Variants in PLPPR4 observed in about 807,000 individuals in gnomAD.
The protein encoded by PLPPR4 is phospholipid phosphatase related 4, also known as phospholipid phosphatase-related protein type 4.
A neutral mutation model predicts 56.6 loss-of-function variants in PLPPR4; 24 were observed. The ratio of observed to expected loss-of-function variants is 0.42; its 90% CI spans 0.31 to 0.60. The LOEUF (loss-of-function observed/expected upper bound fraction) is 0.60. Among genes scored for constraint, PLPPR4 ranks in the 20% least tolerant of loss-of-function variants. The pLI is 0.13. For missense variants in PLPPR4, 654 were observed against 885.8 expected, an observed-to-expected ratio of 0.74 and a Z score of 3.32; for synonymous variants, 326 against 328.1, an observed-to-expected ratio of 0.99 and a Z score of 0.07.
At chr1:99,269,065 A>G (rs983003289) in intron 1 of PLPPR4, among the ~76,000 whole-genome samples, 15 of 152,078 alleles carry the variant, frequency 9.9e-5, no homozygotes, top group African/African-American at 3.4e-4. Context: ...TCCTAATACT[A>G]TCCATCCCCT....
At chr1:99,282,875 C>T (rs1477886956) in intron 1 of PLPPR4, among the ~76,000 whole-genome samples, 2 of 150,896 alleles carry the variant, frequency 1.3e-5, no homozygotes, top group Non-Finnish European at 2.9e-5. Flanking sequence ...AATTCAGGCA[C>T]TTAATTACAC....
chr1:99,282,264 G>A (rs1659348540), intron 1 of PLPPR4, among the ~76,000 whole-genome samples: 1 of 152,052 alleles, frequency 6.6e-6, no homozygotes, highest in South Asian at 2.1e-4. Context: ...CATTGATCAA[G>A]CCATAAACAA....
intron 1 of PLPPR4, among the ~76,000 whole-genome samples, chr1:99,266,885 T>A (rs1245870850): frequency 6.6e-6 from 1 of 152,246 alleles, no homozygotes; most frequent in Non-Finnish European, 1.5e-5. Flanking sequence ...ATTTTGAAGC[T>A]GGTGAGAATG....
At chr1:99,303,015 T>C (rs1659924100) in intron 6 of PLPPR4, among the ~76,000 whole-genome samples, 1 of 152,062 alleles carries the variant, frequency 6.6e-6, no homozygotes, top group Admixed American at 6.6e-5. Flanking sequence ...TTACAACATG[T>C]TAAACGATAT....
intron 6 of PLPPR4, among the ~76,000 whole-genome samples, chr1:99,303,401 G>T (rs540957390): frequency 7.9e-5 from 12 of 152,230 alleles, no homozygotes; most frequent in Non-Finnish European, 1.5e-4. Flanking sequence ...TTAAGTAGTT[G>T]CTTCTGGAAT....
Position 99,287,986 on chromosome 1 carries a change from G to A in PLPPR4, c.100G>A (p.Val34Met). Reference protein sequence around the residue: ...FVELPILASSVVSLYFLELTD... With the variant: ...FVELPILASSMVSLYFLELTD... The stretch of plus-strand genomic sequence containing the variant: ...TTAGTTGCCTATATTGGCATCATCG[G>A]TGGTTAGCCTCTATTTCCTCGAACT... Residue 34 changes from valine to methionine, a missense_variant, in exon 2 of 7, where the codon GTG becomes ATG. Val to Met is a conservative substitution (Grantham distance 21, BLOSUM62 1). Coordinates refer to ENST00000370185, the MANE Select transcript of PLPPR4 (RefSeq NM_014839.5). The A allele has an allele frequency of 6.2e-7, 1 of 1,613,094 alleles. No homozygotes were observed. The highest frequency in any genetic ancestry group is 8.5e-7 in the Non-Finnish European group (1 of 1,179,550).
intron 1 of PLPPR4, among the ~76,000 whole-genome samples, chr1:99,285,665 A>T (rs1042284572): frequency 1.2e-4 from 19 of 152,266 alleles, no homozygotes; most frequent in Middle Eastern, 3.4e-3. Flanking sequence ...AAAAAAAAAG[A>T]CCTCTTGGGA....
In PLPPR4 at chr1:99,300,894, A is replaced by G; in HGVS notation, c.591-15A>G. On this transcript the variant is annotated splice_polypyrimidine_tract_variant and intron_variant, in intron 4 of 6. Coordinates refer to ENST00000370185, the MANE Select transcript of PLPPR4 (RefSeq NM_014839.5). ...CTGAACTACAAGGCATAATTTGACT[A>G]TCTTCTTTTGGCAGAAAGTCCTTCC... 3 of 1,606,854 alleles carry G rather than the reference A, an allele frequency of 1.9e-6. No homozygotes were observed. Among genetic ancestry groups the G allele is most frequent in the Non-Finnish European group, 2.6e-6 (3 of 1,173,784 alleles).
At chr1:99,280,083 C>T (rs968234192) in intron 1 of PLPPR4, among the ~76,000 whole-genome samples, 12 of 152,134 alleles carry the variant, frequency 7.9e-5, no homozygotes, top group Admixed American at 2.6e-4. Flanking sequence ...TTTCAAACTG[C>T]ACCTTTCCCC....
intron 2 of PLPPR4, among the ~76,000 whole-genome samples, chr1:99,294,272 T>G (rs539844703): frequency 6.6e-6 from 1 of 152,260 alleles, no homozygotes; most frequent in South Asian, 2.1e-4. Flanking sequence ...AATGTCCTGT[T>G]TAATGAGAGG....
chr1:99,307,070 G>GTTCTGTTC lies in PLPPR4; in HGVS notation c.*61_*68dup. 6.6e-7 allele frequency: 1 copy of GTTCTGTTC among 1,519,412 alleles called. No homozygotes were observed. The allele number at this position is 1,519,412 out of a possible 1,614,324, so 94.1% of individuals were successfully genotyped here. ...AAGACCATATGTTGATTCTACCTGT[G>GTTCTGTTC]TTCTGTTCCAGCGAATTGGGAAGTC... On this transcript the variant is annotated 3_prime_UTR_variant, in exon 7 of 7. Transcript: ENST00000370185.
rs1660107734 is a variant in PLPPR4 at position 99,308,614 on chromosome 1, T to C, written c.*1604T>C. On this transcript the variant is annotated 3_prime_UTR_variant, in exon 7 of 7. Transcript: ENST00000370185. ...GATCTGATCTTAGCTCACTTTCCAATAACAGAAGGAGTTGTTTACAGATGA... is the reference window on the plus strand; with the variant it reads ...GATCTGATCTTAGCTCACTTTCCAACAACAGAAGGAGTTGTTTACAGATGA... 1 of 152,602 alleles carries C rather than the reference T, an allele frequency of 6.6e-6. No individual in the cohort carries two copies. Among genetic ancestry groups the C allele is most frequent in the African/African-American group, 2.4e-5 (1 of 41,438 alleles). The allele number at this position is 152,602 out of a possible 1,614,324, so 9.5% of individuals were successfully genotyped here. A position where few individuals can be genotyped will look rare whatever the true frequency, so the allele number is the denominator to read the frequency against.
intron 1 of PLPPR4, among the ~76,000 whole-genome samples, chr1:99,269,611 TA>T (rs997770091): frequency 2.6e-5 from 4 of 152,168 alleles, no homozygotes; most frequent in African/African-American, 9.7e-5. Flanking sequence ...TTTTTAAGCC[TA>T]AAAAAATATA....
chr1:99,293,776 T>C (rs568346982), intron 2 of PLPPR4, among the ~76,000 whole-genome samples: 9 of 152,300 alleles, frequency 5.9e-5, no homozygotes, highest in African/African-American at 1.9e-4. Context: ...ATAATTTTTG[T>C]TGTTTTGTTT....
chr1:99,286,809 T>C (rs993994831), intron 1 of PLPPR4, among the ~76,000 whole-genome samples: 1 of 152,168 alleles, frequency 6.6e-6, no homozygotes, highest in Non-Finnish European at 1.5e-5. Flanking sequence ...AGCCAAAGCA[T>C]GAAGCAACTT....
At chr1:99,277,430 A>G (rs1659216374) in intron 1 of PLPPR4, among the ~76,000 whole-genome samples, 1 of 152,156 alleles carries the variant, frequency 6.6e-6, no homozygotes, top group South Asian at 2.1e-4. Context: ...GTTGTTGGCT[A>G]TTGTTTGTGT....
At position 99,264,516 on chromosome 1, in the gene PLPPR4, C is replaced by T; in HGVS notation, c.-78C>T. The T allele has an allele frequency of 1.9e-6, 3 of 1,549,506 alleles. No individual in the cohort carries two copies. Among genetic ancestry groups the T allele is most frequent in the South Asian group, 1.2e-5 (1 of 84,228 alleles). On this transcript the variant is annotated 5_prime_UTR_variant, in exon 1 of 7. Transcript: ENST00000370185. ...CATCAGCGGCGCCGGGCGCTTGGGGCTGGAGGAGGCAGCTCGCCTCAGCTG... is the reference window on the plus strand; with the variant it reads ...CATCAGCGGCGCCGGGCGCTTGGGGTTGGAGGAGGCAGCTCGCCTCAGCTG...
At chr1:99,304,553 C>T (rs1557783665) in intron 6 of PLPPR4, among the ~76,000 whole-genome samples, 2 of 152,138 alleles carry the variant, frequency 1.3e-5, no homozygotes, top group African/African-American at 2.4e-5. Context: ...AGGGATTGCT[C>T]ATTCTGGTGA....
At chr1:99,283,709 G>A (rs572376226) in intron 1 of PLPPR4, among the ~76,000 whole-genome samples, 1 of 152,160 alleles carries the variant, frequency 6.6e-6, no homozygotes, top group Non-Finnish European at 1.5e-5. Flanking sequence ...CCAGCACTTC[G>A]AGAGGCCAAG....
Sources: gnomAD v4.1 joint callset for allele counts (sites outside exome capture counted in the v4.1 genomes callset) on GRCh38, gnomAD v4.1.1 for gene constraint, MANE v1.5 for transcripts, NCBI Gene and HGNC (gene_info 2026-07-23, HGNC 2026-07-21) for gene names.